The following SLC35F4 variants were observed in gnomAD, a reference collection of about 807,000 sequenced individuals.
SLC35F4 encodes solute carrier family 35 member F4.
Under a neutral mutation model 44.2 loss-of-function variants are expected in SLC35F4, and 24 were observed. That is an observed-to-expected ratio of 0.54 (90% confidence interval 0.39 to 0.76). The LOEUF is 0.76. Ranked by LOEUF, SLC35F4 falls within the 30% of genes least tolerant of loss-of-function variation. The pLI, the probability that SLC35F4 is intolerant of heterozygous loss-of-function variation, is 0.00. For synonymous variants in SLC35F4, 238 were observed against 223.6 expected, an observed-to-expected ratio of 1.06 and a Z score of -0.57; for missense variants, 562 against 586.1, an observed-to-expected ratio of 0.96 and a Z score of 0.42.
chr14:57,577,742 C>A (rs987142236), intron 4 of SLC35F4, among the ~76,000 whole-genome samples: 8 of 151,896 alleles, frequency 5.3e-5, no homozygotes, highest in Admixed American at 4.6e-4. Flanking sequence ...ATAATAAGGT[C>A]TGAGAGACAG....
chr14:57,608,091 CA>C, intron 1 of SLC35F4, among the ~76,000 whole-genome samples: 1 of 152,072 alleles, frequency 6.6e-6, no homozygotes, highest in East Asian at 1.9e-4. Flanking sequence ...GGCAGTTGGA[CA>C]CACAGATCTA....
chr14:57,891,969 A>C (rs1888779513), intron 1 of SLC35F4, among the ~76,000 whole-genome samples: 2 of 152,198 alleles, frequency 1.3e-5, no homozygotes, highest in South Asian at 4.1e-4. Flanking sequence ...CTACAAATTT[A>C]TTATTTCTCA....
chr14:57,857,014 G>A (rs149699579), intron 1 of SLC35F4, among the ~76,000 whole-genome samples: 3 of 152,026 alleles, frequency 2.0e-5, no homozygotes, highest in South Asian at 2.1e-4. Flanking sequence ...GGTGGCTCAC[G>A]CCTGTAATCC....
intron 1 of SLC35F4, among the ~76,000 whole-genome samples, chr14:57,609,386 T>C (rs868437578): frequency 2.6e-5 from 4 of 152,224 alleles, no homozygotes; most frequent in Non-Finnish European, 2.9e-5. Flanking sequence ...TTATCACCTC[T>C]CTGCTTCCAT....
chr14:57,949,377 G>A (rs1482245735), intron 1 of SLC35F4, among the ~76,000 whole-genome samples: 1 of 152,068 alleles, frequency 6.6e-6, no homozygotes, highest in East Asian at 1.9e-4. Context: ...CTGTTTGCAT[G>A]GAATATCTCT....
upstream of SLC35F4, among the ~76,000 whole-genome samples, chr14:57,866,849 C>G (rs920751508): frequency 6.6e-6 from 1 of 151,892 alleles, no homozygotes; most frequent in Non-Finnish European, 1.5e-5. Flanking sequence ...CGAACACCCT[C>G]CCCTCAGGTG....
chr14:57,566,342 G>A, intron 7 of SLC35F4, 133 bp downstream of exon 7: 1 of 774,528 alleles, frequency 1.3e-6, no homozygotes, highest in Non-Finnish European at 2.0e-6. Context: ...CCACCTTCAT[G>A]ATATTTAAAA....
At chr14:57,870,547 T>C (rs2141026708), upstream of SLC35F4, among the ~76,000 whole-genome samples, 1 of 152,304 alleles carries the variant, frequency 6.6e-6, no homozygotes, top group South Asian at 2.1e-4. Flanking sequence ...GCATCATATA[T>C]ATTAGCTATC....
chr14:57,803,971 CCAA>C (rs1163489002), intron 1 of SLC35F4, among the ~76,000 whole-genome samples: 2 of 151,978 alleles, frequency 1.3e-5, no homozygotes, highest in Non-Finnish European at 2.9e-5. Context: ...TTCCTGTACA[CCAA>C]CAACAAGCAA....
chr14:57,826,782 G>T (rs1352449651), intron 1 of SLC35F4, among the ~76,000 whole-genome samples: 2 of 152,086 alleles, frequency 1.3e-5, no homozygotes, highest in Non-Finnish European at 2.9e-5. Context: ...AATTATTAAA[G>T]AAATGCAAAT....
In SLC35F4 at chr14:57,862,241, T is replaced by C. The variant is rs192123275; in HGVS notation, c.103+3482A>G. Among the ~76,000 whole-genome samples the C allele has an allele frequency of 3.1e-4, 47 of 152,302 alleles. 1 individual carries two copies. The highest frequency in any genetic ancestry group is 2.2e-3 in the Admixed American group (33 of 15,306). On this transcript the variant is annotated intron_variant, in intron 1 of 7. Coordinates refer to ENST00000556826, the MANE Select transcript of SLC35F4 (RefSeq NM_001306087.2). ...ACCCTATTGGCTCTAATTTCAAATA[T>C]ATGCAGACTCTGACCACCTTTCTCT...
chr14:57,596,863 A>G, intron 1 of SLC35F4: 2 of 1,367,584 alleles, frequency 1.5e-6, no homozygotes. Context: ...CCCACTGGTC[A>G]GTTTGTGGAA....
intron 1 of SLC35F4, among the ~76,000 whole-genome samples, chr14:57,941,127 T>A (rs1212675593): frequency 6.6e-6 from 1 of 152,164 alleles, no homozygotes; most frequent in Non-Finnish European, 1.5e-5. Context: ...CTGTGGAAAA[T>A]AGTTGGTTCC....
In SLC35F4 at chr14:57,728,066, G is replaced by A. The variant is rs991728264; in HGVS notation, c.104-133942C>T. On this transcript the variant is annotated intron_variant, in intron 1 of 7. Transcript: ENST00000556826. ...TTGCTTAATTTATCTGGGTGCTCCA[G>A]TATTGGGTGCATATATATTTATAAG... is the stretch of plus-strand genomic sequence containing the variant. Among the ~76,000 whole-genome samples the A allele has an allele frequency of 2.0e-5, 3 of 152,246 alleles. 1 individual carries two copies.
intron 1 of SLC35F4, among the ~76,000 whole-genome samples, chr14:57,883,346 C>T (rs1470562980): frequency 6.6e-6 from 1 of 152,156 alleles, no homozygotes; most frequent in Non-Finnish European, 1.5e-5. Flanking sequence ...TGACTGCAGT[C>T]GTCAGGCGAT....
chr14:57,627,148 GT>G (rs1358713724), intron 1 of SLC35F4, among the ~76,000 whole-genome samples: 1 of 152,076 alleles, frequency 6.6e-6, no homozygotes, highest in Non-Finnish European at 1.5e-5. Flanking sequence ...TTTTAGCCTT[GT>G]CAACTGGAAG....
At chr14:57,652,297 G>A (rs1326153658) in intron 1 of SLC35F4, among the ~76,000 whole-genome samples, 1 of 152,162 alleles carries the variant, frequency 6.6e-6, no homozygotes, top group African/African-American at 2.4e-5. Flanking sequence ...ATGGACAGGC[G>A]TGCTAGCTTT....
At position 57,865,921 on chromosome 14, in the gene SLC35F4, C is replaced by A. The variant is rs1197340812; in HGVS notation, c.-96G>T. 2.7e-6 allele frequency: 2 copies of A among 739,582 alleles called. No individual in the cohort carries two copies. The highest frequency in any genetic ancestry group is 7.2e-5 in the East Asian group (2 of 27,932). The allele number at this position is 739,582 out of a possible 1,614,324, so 45.8% of individuals were successfully genotyped here. On this transcript the variant is annotated 5_prime_UTR_variant, in exon 1 of 8. Transcript: ENST00000556826. Reference sequence around the variant, plus strand: ...AGGTGCCGGAGCCGCTGGTGCTGATCTTGCAGCTCCTGCTCCCGCGCCCGG... The same window carrying A: ...AGGTGCCGGAGCCGCTGGTGCTGATATTGCAGCTCCTGCTCCCGCGCCCGG...
intron 1 of SLC35F4, among the ~76,000 whole-genome samples, chr14:57,970,128 A>C (rs903505053): frequency 1.9e-4 from 29 of 152,218 alleles, no homozygotes; most frequent in African/African-American, 6.8e-4. Flanking sequence ...GTAACTTGAG[A>C]AAATATAAAA....
Sources: allele counts gnomAD v4.1 joint callset (sites outside exome capture counted in the v4.1 genomes callset), GRCh38; gene constraint gnomAD v4.1.1; transcripts MANE v1.5; gene names NCBI Gene and HGNC (gene_info 2026-07-23, HGNC 2026-07-21).